Variants in NSG2 observed in about 807,000 individuals in gnomAD.
NSG2 encodes the protein neuronal vesicle trafficking-associated protein 2.
In NSG2, 4 loss-of-function variants were observed where a neutral mutation model predicts 16.9. That is an observed-to-expected ratio of 0.24 (90% CI 0.12 to 0.54). NSG2 has a LOEUF of 0.54. NSG2 is among the 20% of genes least tolerant of loss of function. The pLI is 0.95. For synonymous variants in NSG2, 98 were observed against 88.7 expected, an observed-to-expected ratio of 1.11 and a Z score of -0.59; for missense variants, 179 against 221.1, an observed-to-expected ratio of 0.81 and a Z score of 1.21.
intron 2 of NSG2, among the ~76,000 whole-genome samples, chr5:174,060,330 T>C (rs1760029315): frequency 6.6e-6 from 1 of 152,190 alleles, no homozygotes; most frequent in East Asian, 1.9e-4. Context: ...TTTATAAAAA[T>C]AGAGAGGGAG....
chr5:174,047,961 A>G (rs1207399080), intron 2 of NSG2, among the ~76,000 whole-genome samples: 2 of 152,200 alleles, frequency 1.3e-5, no homozygotes, highest in African/African-American at 4.8e-5. Context: ...GTCTTAACCA[A>G]TTGGCTTCAA....
At chr5:174,070,244 A>T (rs751196515) in intron 3 of NSG2, among the ~76,000 whole-genome samples, 5 of 152,032 alleles carry the variant, frequency 3.3e-5, no homozygotes, top group Admixed American at 2.0e-4. Flanking sequence ...AAATAATAAT[A>T]ATGTCTTAAA....
chr5:174,099,987 C>T (rs1219795536), intron 3 of NSG2, among the ~76,000 whole-genome samples: 1 of 152,232 alleles, frequency 6.6e-6, no homozygotes. Context: ...ACAACGTACT[C>T]TCTGACCTCC....
intron 3 of NSG2, among the ~76,000 whole-genome samples, chr5:174,081,033 G>GT (rs1228714665): frequency 2.0e-5 from 3 of 150,140 alleles, no homozygotes; most frequent in Admixed American, 2.0e-4. Context: ...TTCTTTTGTT[G>GT]TTTTTTAACT....
rs543368373 is a variant in NSG2, at chr5:174,066,989, CAAAAAAAA to C, written c.213+2694_213+2701del. Among the ~76,000 whole-genome samples the C allele has an allele frequency of 1.8e-4, 5 of 27,942 alleles. No individual in the cohort carries two copies. The East Asian group carries it at 4.5e-3, about 25-fold the overall frequency. 18.3% of individuals were successfully genotyped at this position (27,942 alleles called of 152,430 possible). ...TGGGCGACAGAGCGAGACTCTGTCT[CAAAAAAAA>C]AAAAAAAAAAAAAAAAAAAGAAATG... On this transcript the variant is annotated intron_variant, in intron 3 of 4. Coordinates refer to ENST00000303177, the MANE Select transcript of NSG2 (RefSeq NM_015980.5).
chr5:174,054,779 T>C (rs545848628), intron 2 of NSG2, among the ~76,000 whole-genome samples: 10 of 152,322 alleles, frequency 6.6e-5, no homozygotes, highest in African/African-American at 2.4e-4. Context: ...GGGAGATCAC[T>C]GTGAAGCCAG....
intron 3 of NSG2, among the ~76,000 whole-genome samples, chr5:174,098,303 G>A (rs557199318): frequency 3.9e-5 from 6 of 152,176 alleles, no homozygotes; most frequent in African/African-American, 1.4e-4. Context: ...TGCAGGCTGA[G>A]CAAAGATGTT....
chr5:174,047,029 C>A (rs555586817), intron 2 of NSG2, 145 bp downstream of exon 2: 40 of 809,684 alleles, frequency 4.9e-5, no homozygotes, highest in East Asian at 4.1e-4. Context: ...GTTATTCCTT[C>A]CAGAGCCAAG....
At chr5:174,077,854 G>C (rs764256358) in intron 3 of NSG2, among the ~76,000 whole-genome samples, 1 of 152,048 alleles carries the variant, frequency 6.6e-6, no homozygotes. Flanking sequence ...TACAGTAGGT[G>C]GTCAGTAACC....
intron 3 of NSG2, among the ~76,000 whole-genome samples, chr5:174,071,702 T>C (rs1337249970): frequency 6.6e-6 from 1 of 152,122 alleles, no homozygotes; most frequent in Non-Finnish European, 1.5e-5. Context: ...TCCCAGCACG[T>C]CAGGCTGGCG....
intron 2 of NSG2, chr5:174,056,415 C>G (rs1759968639): frequency 1.3e-5 from 2 of 152,220 alleles, no homozygotes; most frequent in African/African-American, 2.4e-5. Flanking sequence ...GTATGGTATT[C>G]TTGAGTTTGA....
At chr5:174,063,266 T>C (rs1409266153) in intron 2 of NSG2, among the ~76,000 whole-genome samples, 1 of 152,252 alleles carries the variant, frequency 6.6e-6, no homozygotes, top group African/African-American at 2.4e-5. Flanking sequence ...GCAATAGTTA[T>C]TGATTATCTG....
At chr5:174,052,621 C>G (rs1399733336) in intron 2 of NSG2, among the ~76,000 whole-genome samples, 2 of 152,238 alleles carry the variant, frequency 1.3e-5, no homozygotes, top group East Asian at 3.8e-4. Context: ...AATTTCAGGA[C>G]ATGCCTTTGG....
chr5:174,099,543 G>A (rs1219887121), intron 3 of NSG2, among the ~76,000 whole-genome samples: 2 of 151,856 alleles, frequency 1.3e-5, no homozygotes, highest in Non-Finnish European at 2.9e-5. Flanking sequence ...TCGCTTCCCT[G>A]CTTAGAACTG....
chr5:174,099,437 G>C (rs1292398171), intron 3 of NSG2, among the ~76,000 whole-genome samples: 1 of 152,090 alleles, frequency 6.6e-6, no homozygotes, highest in East Asian at 1.9e-4. Flanking sequence ...TACTACATCA[G>C]CCTTCCCACT....
In NSG2 at chr5:174,104,071, G is replaced by A. The variant is rs577926606; in HGVS notation, c.214-157G>A. 3.9e-5 allele frequency among the ~76,000 whole-genome samples: 6 copies of A among 152,304 alleles called. No homozygotes were observed. In the South Asian group the frequency reaches 1.2e-3, roughly 32 times the overall value. On this transcript the variant is annotated intron_variant, in intron 3 of 4. Coordinates refer to ENST00000303177, the MANE Select transcript of NSG2 (RefSeq NM_015980.5). ...GAAGGGGGAAAGAGGCCCAAAGACT[G>A]CAAGTTAGTAACAAAGCCAAGACAG...
At chr5:174,090,774 A>G (rs1348766811) in intron 3 of NSG2, among the ~76,000 whole-genome samples, 1 of 152,192 alleles carries the variant, frequency 6.6e-6, no homozygotes, top group Non-Finnish European at 1.5e-5. Flanking sequence ...CAAATTGAGC[A>G]CGGGGGCAGA....
chr5:174,103,088 C>T (rs974577898), intron 3 of NSG2, among the ~76,000 whole-genome samples: 3 of 151,858 alleles, frequency 2.0e-5, no homozygotes, highest in Non-Finnish European at 2.9e-5. Flanking sequence ...TGCACCTGGC[C>T]CCTGCTTTGT....
chr5:174,083,750 G>A (rs1014357017), intron 3 of NSG2, among the ~76,000 whole-genome samples: 7 of 152,188 alleles, frequency 4.6e-5, no homozygotes, highest in South Asian at 2.1e-4. Context: ...ACAAAAGACC[G>A]CAAGAAAGAC....
Sources: allele counts gnomAD v4.1 joint callset (sites outside exome capture counted in the v4.1 genomes callset), GRCh38; gene constraint gnomAD v4.1.1; transcripts MANE v1.5; gene names NCBI Gene and HGNC (gene_info 2026-07-23, HGNC 2026-07-21).